NHS: variants seen among roughly 807,000 people sequenced by gnomAD.
The protein encoded by NHS is actin remodeling regulator NHS.
NHS carries 5 observed loss-of-function variants against 72.5 expected under a neutral mutation model. The observed-to-expected ratio is 0.07, with a 90% CI of 0.04 to 0.14. The LOEUF (loss-of-function observed/expected upper bound fraction) is 0.14, where lower values mean the gene tolerates loss of function less well. Among genes scored for constraint, NHS ranks in the 10% least tolerant of loss-of-function variants. The pLI is 1.00. For synonymous variants in NHS, 464 were observed against 547.7 expected (o/e 0.85, Z 2.13); for missense variants, 1,072 against 1,355.7 (o/e 0.79, Z 3.29).
chrX:17,561,153 T>G (rs2065409987), intron 1 of NHS, among the ~76,000 whole-genome samples: 1 of 112,622 alleles, frequency 8.9e-6, no homozygotes, highest in East Asian at 2.8e-4. Flanking sequence ...ATCCAGGACA[T>G]AAGGTCCATG....
At chrX:17,682,013 G>A (rs771885651) in intron 1 of NHS, among the ~76,000 whole-genome samples, 4 of 110,952 alleles carry the variant, frequency 3.6e-5, no homozygotes, top group Non-Finnish European at 7.5e-5. Context: ...AAGACTCTGG[G>A]AAACTGGCTC....
At chrX:17,725,149 T>C (rs921318268) in intron 6 of NHS, among the ~76,000 whole-genome samples, 198 bp from the exon 7 acceptor site, 1 of 110,296 alleles carries the variant, frequency 9.1e-6, no homozygotes, top group Non-Finnish European at 1.9e-5. Context: ...TATGTATATA[T>C]ACATATATGA....
At chrX:17,704,564 C>T (rs1332406412) in intron 3 of NHS, among the ~76,000 whole-genome samples, 1 of 111,405 alleles carries the variant, frequency 9.0e-6, no homozygotes, top group Non-Finnish European at 1.9e-5. Flanking sequence ...TCCCAAAATG[C>T]TGGGATTACA....
In NHS at chrX:17,732,415, A is replaced by G. The variant is rs1174900582; in HGVS notation, c.4907A>G (p.Asn1636Ser). Reference sequence around the variant, plus strand: ...GCAATCTCCGAGGGAGAGACGGAAAATTCTGACGGGAGCCCACATGACGAC... The same window carrying G: ...GCAATCTCCGAGGGAGAGACGGAAAGTTCTGACGGGAGCCCACATGACGAC... The part of the protein sequence containing the change: ...MQAISEGETE[N>S]SDGSPHDDRS... Residue 1636 changes from asparagine to serine, a missense_variant, in exon 9 of 9, where the codon AAT (asparagine) becomes AGT (serine). Physicochemically the swap from Asn to Ser is conservative, Grantham distance 46 (BLOSUM62 1). Coordinates refer to ENST00000676302, the MANE Select transcript of NHS (RefSeq NM_001291867.2). 1 of 1,212,333 alleles carries G rather than the reference A, an allele frequency of 8.2e-7. No individual in the cohort carries two copies.
Position 17,727,987 on chromosome X carries a change from C to G in NHS, c.3881C>G (p.Pro1294Arg), listed in dbSNP as rs1204200128. The G allele has an allele frequency of 8.3e-7, 1 of 1,211,482 alleles. No individual in the cohort carries two copies. Among genetic ancestry groups the G allele is most frequent in the Admixed American group, 2.2e-5 (1 of 45,984 alleles). The change falls in exon 7 of 9, where the codon CCT becomes CGT. Residue 1294 changes from proline (P) to arginine (R), a missense_variant. Physicochemically the swap from Pro to Arg is moderately radical, Grantham distance 103 (BLOSUM62 -2). Coordinates refer to ENST00000676302, the MANE Select transcript of NHS (RefSeq NM_001291867.2). ...DLDGKIIQYG[P>R]GPDETLEQVQ... is the part of the protein sequence containing the mutation. ...GATGGTAAAATAATACAATATGGAC[C>G]TGGTCCAGACGAAACTCTAGAACAG...
intron 1 of NHS, among the ~76,000 whole-genome samples, chrX:17,464,465 A>T (rs932837351): frequency 1.8e-5 from 2 of 112,254 alleles, no homozygotes; most frequent in South Asian, 3.8e-4. Flanking sequence ...CATAACAATG[A>T]GAAGCCACAG....
At chrX:17,715,650 T>C (rs2066360511) in intron 3 of NHS, among the ~76,000 whole-genome samples, 1 of 111,572 alleles carries the variant, frequency 9.0e-6, no homozygotes, top group African/African-American at 3.3e-5. Flanking sequence ...GTTATATGGG[T>C]AAACTTGTGT....
chrX:17,447,046 C>T (rs1043877400), intron 1 of NHS, among the ~76,000 whole-genome samples: 3 of 111,998 alleles, frequency 2.7e-5, no homozygotes, highest in African/African-American at 6.5e-5. Context: ...GCCTAAATGG[C>T]GCATTTGACT....
chrX:17,646,705 T>C (rs1485159673), intron 1 of NHS, among the ~76,000 whole-genome samples: 1 of 112,141 alleles, frequency 8.9e-6, no homozygotes. Flanking sequence ...AGACTGCAAA[T>C]ACTGGTATAG....
intron 1 of NHS, among the ~76,000 whole-genome samples, chrX:17,604,604 G>A (rs1223830627): frequency 8.9e-6 from 1 of 112,265 alleles, no homozygotes; most frequent in Non-Finnish European, 1.9e-5. Context: ...TGTTGACCAA[G>A]GGTAACCAGG....
rs1376788431 is a variant in NHS, at chrX:17,534,665, A to G, written c.566-153077A>G. On this transcript the variant is annotated intron_variant, in intron 1 of 8. Transcript: ENST00000676302. ...TTTAATTGTATGGACTCTTCCAAGC[A>G]TAAAGGCAAGTTTATAAAAAATCAT... 2.7e-5 allele frequency among the ~76,000 whole-genome samples: 3 copies of G among 112,217 alleles called. No individual in the cohort carries two copies. The East Asian group carries it at 8.4e-4, about 31-fold the overall frequency.
chrX:17,723,774 CGCGCGT>C (rs1217371667), intron 5 of NHS, among the ~76,000 whole-genome samples: 563 of 22,715 alleles, frequency 0.025, 14 homozygotes, highest in African/African-American at 0.057. Context: ...TGTGTGTGCG[CGCGCGT>C]GCGCGCATGG....
chrX:17,553,198 A>T (rs781042648), intron 1 of NHS, among the ~76,000 whole-genome samples: 7 of 112,726 alleles, frequency 6.2e-5, no homozygotes, highest in Non-Finnish European at 1.3e-4. Context: ...GGAAAGATAG[A>T]TAGTGGTCTT....
chrX:17,584,067 G>T (rs945220826), intron 1 of NHS, among the ~76,000 whole-genome samples: 9 of 111,871 alleles, frequency 8.0e-5, no homozygotes, highest in Non-Finnish European at 1.7e-4. Context: ...GAGACAGGCA[G>T]TCCTGTGTCT....
chrX:17,511,369 C>T (rs1251756200), intron 1 of NHS, among the ~76,000 whole-genome samples: 1 of 111,795 alleles, frequency 8.9e-6, no homozygotes, highest in Admixed American at 9.5e-5. Context: ...GCCCCTGTCA[C>T]ATAGTATAGG....
chrX:17,559,043 A>C (rs1248345511), intron 1 of NHS, among the ~76,000 whole-genome samples: 4 of 112,392 alleles, frequency 3.6e-5, no homozygotes, highest in African/African-American at 1.3e-4. Context: ...AGGATAATCC[A>C]AGTTATATAT....
At chrX:17,600,706 T>G (rs2065645216) in intron 1 of NHS, among the ~76,000 whole-genome samples, 4 of 110,503 alleles carry the variant, frequency 3.6e-5, no homozygotes, top group African/African-American at 9.9e-5. Context: ...GAGGTGGAAT[T>G]TGGAGAGAGT....
Position 17,521,861 on chromosome X carries a change from G to A in NHS, c.565+145539G>A, listed in dbSNP as rs188879277. Among the ~76,000 whole-genome samples the A allele has an allele frequency of 2.5e-3, 287 of 112,606 alleles. 2 individuals are homozygous for A. The highest frequency in any genetic ancestry group is 4.6e-3 in the Middle Eastern group (1 of 218). Reference sequence around the variant, plus strand: ...TCATTATTAAGCTAGCTAAGGCCTGGTCACCATAGCTGAAGCAAAGTGGAA... The same window carrying A: ...TCATTATTAAGCTAGCTAAGGCCTGATCACCATAGCTGAAGCAAAGTGGAA... On this transcript the variant is annotated intron_variant, in intron 1 of 8. Coordinates refer to ENST00000676302, the MANE Select transcript of NHS (RefSeq NM_001291867.2).
At position 17,489,793 on chromosome X, in the gene NHS, T is replaced by C. The variant is rs771562853; in HGVS notation, c.565+113471T>C. Among the ~76,000 whole-genome samples, 3 of 112,176 alleles carry C rather than the reference T, an allele frequency of 2.7e-5. No individual in the cohort carries two copies. The South Asian group carries it at 1.1e-3, about 42-fold the overall frequency. ...TGAGCCACAGCGCCCGGCTCTGTTG[T>C]TTCCTAACTTTTTAATGATTGCCAT... On this transcript the variant is annotated intron_variant, in intron 1 of 8. Coordinates refer to ENST00000676302, the MANE Select transcript of NHS (RefSeq NM_001291867.2).
Sources: allele counts gnomAD v4.1 joint callset (sites outside exome capture counted in the v4.1 genomes callset), GRCh38; gene constraint gnomAD v4.1.1; transcripts MANE v1.5; gene names NCBI Gene and HGNC (gene_info 2026-07-23, HGNC 2026-07-21).